The following TENM2 variants were observed in gnomAD, a reference collection of about 807,000 sequenced individuals.
TENM2 encodes teneurin-2.
A neutral mutation model predicts 245.2 loss-of-function variants in TENM2; 52 were observed. The observed-to-expected ratio is 0.21, with a 90% confidence interval of 0.17 to 0.27. The LOEUF is 0.27. Among genes scored for constraint, TENM2 ranks in the 10% least tolerant of loss-of-function variants. The pLI, the probability that TENM2 is intolerant of heterozygous loss-of-function variation, is 1.00. For missense variants in TENM2, 3,046 were observed against 3,666.8 expected (o/e 0.83, Z 4.37); for synonymous variants, 1,363 against 1,438.9 (o/e 0.95, Z 1.19).
intron 2 of TENM2, among the ~76,000 whole-genome samples, chr5:167,866,102 T>A (rs1772297847): frequency 1.3e-5 from 2 of 152,154 alleles, no homozygotes; most frequent in African/African-American, 2.4e-5. Context: ...AAAGCAATGA[T>A]GAAAGTATGT....
rs569253139 is a variant in TENM2 at position 167,333,364 on chromosome 5, C to A, written c.227-41834C>A. On this transcript the variant is annotated intron_variant, in intron 1 of 28. Coordinates refer to ENST00000518659, the Ensembl canonical transcript of TENM2. ...CAAAGTAAGCACAATGTTAGCACCT[C>A]TCGTAAGATTATTTAATGAGATGAT... Among the ~76,000 whole-genome samples the A allele has an allele frequency of 2.0e-5, 3 of 152,146 alleles. No homozygotes were observed. In the East Asian group the frequency reaches 5.8e-4, roughly 29 times the overall value.
At chr5:167,039,732 T>TA in the TENM2 span, among the ~76,000 whole-genome samples, 289 of 27,202 alleles carry the variant, frequency 0.011, 2 homozygotes, top group African/African-American at 0.11. Context: ...TAAAGATGTA[T>TA]TTTTTTTTCA....
chr5:167,194,386 A>G, the TENM2 span, among the ~76,000 whole-genome samples: 5 of 152,054 alleles, frequency 3.3e-5, no homozygotes, highest in Non-Finnish European at 7.4e-5. Context: ...ACTTTAGGCA[A>G]GATTTCCACT....
At chr5:167,024,379 C>T in the TENM2 span, among the ~76,000 whole-genome samples, 3 of 152,162 alleles carry the variant, frequency 2.0e-5, no homozygotes, top group African/African-American at 7.2e-5. Flanking sequence ...GGAGACAGAA[C>T]AGTGAGCAAC....
chr5:167,909,039 A>G lies in TENM2; in HGVS notation c.712+32844A>G, dbSNP rs545741407. ...TTCCTCAGTGTGACATTTCTGCTGA[A>G]TTTTATATTTTCGTTTTCTTTTCTC... On this transcript the variant is annotated intron_variant, in intron 3 of 28. Coordinates refer to ENST00000518659, the Ensembl canonical transcript of TENM2. Among the ~76,000 whole-genome samples the G allele has an allele frequency of 4.3e-4, 65 of 150,564 alleles. 1 individual carries two copies. Among genetic ancestry groups the G allele is most frequent in the African/African-American group, 1.3e-3 (54 of 41,048 alleles).
intron 27 of TENM2, among the ~76,000 whole-genome samples, chr5:168,251,576 A>G (rs1288067743): frequency 6.6e-6 from 1 of 152,148 alleles, no homozygotes; most frequent in African/African-American, 2.4e-5. Flanking sequence ...CCAAGTGGAG[A>G]ACACCAAATC....
At chr5:168,187,527 G>T (rs1316266073) in intron 13 of TENM2, 1 of 152,160 alleles carries the variant, frequency 6.6e-6, no homozygotes, top group African/African-American at 2.4e-5. Flanking sequence ...AACAGCAGTG[G>T]GTTTCTTCTC....
intron 2 of TENM2, among the ~76,000 whole-genome samples, chr5:167,480,947 G>A (rs528112868): frequency 6.6e-6 from 1 of 152,122 alleles, no homozygotes; most frequent in Admixed American, 6.6e-5. Flanking sequence ...CTGAAAACCA[G>A]GAATTCCCAT....
chr5:167,617,432 T>C (rs1269260807), intron 2 of TENM2, among the ~76,000 whole-genome samples: 2 of 152,190 alleles, frequency 1.3e-5, no homozygotes, highest in African/African-American at 2.4e-5. Flanking sequence ...ACCTCTTGTG[T>C]ATCTTAAATT....
chr5:167,849,458 C>G (rs1164169137), intron 2 of TENM2, among the ~76,000 whole-genome samples: 4 of 152,170 alleles, frequency 2.6e-5, no homozygotes, highest in South Asian at 2.1e-4. Context: ...TGGTTACCAT[C>G]ATGTTCAAGG....
intron 1 of TENM2, among the ~76,000 whole-genome samples, chr5:167,328,701 A>G (rs1326475086): frequency 6.6e-6 from 1 of 152,178 alleles, no homozygotes; most frequent in Non-Finnish European, 1.5e-5. Context: ...CATTCCCTAG[A>G]TAGACACTTG....
chr5:167,966,097 G>C (rs1454842232), intron 4 of TENM2, among the ~76,000 whole-genome samples: 1 of 152,178 alleles, frequency 6.6e-6, no homozygotes, highest in African/African-American at 2.4e-5. Flanking sequence ...AGATGCAAGA[G>C]ACCCTTCTCT....
At chr5:168,021,160 A>G (rs1297958425) in intron 5 of TENM2, among the ~76,000 whole-genome samples, 1 of 152,228 alleles carries the variant, frequency 6.6e-6, no homozygotes, top group Non-Finnish European at 1.5e-5. Flanking sequence ...CCAAAGTTAT[A>G]TCCTCCTGAG....
intron 12 of TENM2, among the ~76,000 whole-genome samples, chr5:168,154,058 G>A (rs1360024443): frequency 2.0e-5 from 3 of 146,816 alleles, no homozygotes; most frequent in African/African-American, 7.6e-5. Context: ...AGAATTCACT[G>A]AGTAACTGAC....
At chr5:168,251,135 T>G (rs1767076231) in intron 27 of TENM2, among the ~76,000 whole-genome samples, 1 of 152,092 alleles carries the variant, frequency 6.6e-6, no homozygotes, top group Admixed American at 6.6e-5. Context: ...GAAGCCTGGT[T>G]GGTATCAGAC....
intron 13 of TENM2, among the ~76,000 whole-genome samples, chr5:168,168,844 C>T (rs1358941307): frequency 1.3e-5 from 2 of 152,060 alleles, no homozygotes. Flanking sequence ...GGTATGAATT[C>T]GTCTATCCAC....
chr5:167,150,643 A>G, the TENM2 span, among the ~76,000 whole-genome samples: 3 of 152,198 alleles, frequency 2.0e-5, no homozygotes, highest in East Asian at 1.9e-4. Flanking sequence ...GTCTTTTATA[A>G]TTGAGGAAAC....
chr5:167,264,557 G>A, the TENM2 span, among the ~76,000 whole-genome samples: 1,093 of 152,206 alleles, frequency 7.2e-3, 13 homozygotes, highest in African/African-American at 0.025. Context: ...TTCTGCACTC[G>A]CCTGGCAGCT....
At chr5:167,163,767 C>T in the TENM2 span, among the ~76,000 whole-genome samples, 1 of 152,154 alleles carries the variant, frequency 6.6e-6, no homozygotes, top group Non-Finnish European at 1.5e-5. Context: ...CCCAGCAAGT[C>T]CCTTGTCTCT....
Sources: allele counts gnomAD v4.1 joint callset (sites outside exome capture counted in the v4.1 genomes callset), GRCh38; gene constraint gnomAD v4.1.1; transcripts MANE v1.5; gene names NCBI Gene and HGNC (gene_info 2026-07-23, HGNC 2026-07-21).